GRIA4: variants seen among roughly 807,000 people sequenced by gnomAD.
GRIA4 encodes the protein glutamate ionotropic receptor AMPA type subunit 4, also known as glutamate receptor 4.
A neutral mutation model predicts 104.0 loss-of-function variants in GRIA4; 34 were observed. The ratio of observed to expected loss-of-function variants is 0.33; its 90% CI spans 0.25 to 0.44. GRIA4 has a LOEUF of 0.44. Ranked by LOEUF, GRIA4 falls within the 20% of genes least tolerant of loss-of-function variation. The pLI, the probability that GRIA4 is intolerant of heterozygous loss-of-function variation, is 1.00. For synonymous variants in GRIA4, 386 were observed against 381.9 expected, an observed-to-expected ratio of 1.01 and a Z score of -0.13; for missense variants, 750 against 1,096.5, an observed-to-expected ratio of 0.68 and a Z score of 4.46.
chr11:105,689,389 C>A (rs1200869016), intron 3 of GRIA4, among the ~76,000 whole-genome samples: 1 of 152,086 alleles, frequency 6.6e-6, no homozygotes, highest in Non-Finnish European at 1.5e-5. Context: ...ATGCAAATAT[C>A]CTAGAAAAGC....
chr11:105,619,297 T>C (rs1222793272), intron 3 of GRIA4, among the ~76,000 whole-genome samples: 1 of 151,922 alleles, frequency 6.6e-6, no homozygotes, highest in Non-Finnish European at 1.5e-5. Flanking sequence ...ATATCACACA[T>C]AAATTTTATG....
At chr11:105,918,606 C>G in intron 10 of GRIA4, 106 bp from the exon 11 acceptor site, 1 of 634,106 alleles carries the variant, frequency 1.6e-6, no homozygotes, top group Non-Finnish European at 2.8e-6. Flanking sequence ...GTATGTGTAC[C>G]AATACTAAAT....
intron 4 of GRIA4, among the ~76,000 whole-genome samples, chr11:105,836,668 A>G (rs1944199351): frequency 6.6e-6 from 1 of 152,200 alleles, no homozygotes; most frequent in Non-Finnish European, 1.5e-5. Context: ...TGTAAGTCCC[A>G]CAACCAAAGT....
intron 4 of GRIA4, among the ~76,000 whole-genome samples, chr11:105,851,191 G>T (rs546373630): frequency 6.6e-6 from 1 of 152,136 alleles, no homozygotes; most frequent in Non-Finnish European, 1.5e-5. Context: ...CAAATGGGAA[G>T]GGATATAGAA....
intron 3 of GRIA4, among the ~76,000 whole-genome samples, chr11:105,749,240 G>T (rs1475920737): frequency 3.9e-5 from 6 of 152,164 alleles, no homozygotes. Context: ...AAGTTGAAGA[G>T]ACTAGTTTGG....
At chr11:105,867,738 A>C (rs1945477303) in intron 5 of GRIA4, among the ~76,000 whole-genome samples, 1 of 152,230 alleles carries the variant, frequency 6.6e-6, no homozygotes, top group Non-Finnish European at 1.5e-5. Flanking sequence ...AAACAAAAAG[A>C]AGCACAATAA....
intron 4 of GRIA4, among the ~76,000 whole-genome samples, chr11:105,820,640 A>G (rs1272736428): frequency 6.6e-6 from 1 of 151,742 alleles, no homozygotes; most frequent in East Asian, 1.9e-4. Flanking sequence ...TGTCAGAATT[A>G]TTTTTTTTCT....
chr11:105,800,631 A>G (rs1942680603), intron 4 of GRIA4, among the ~76,000 whole-genome samples: 1 of 152,104 alleles, frequency 6.6e-6, no homozygotes, highest in South Asian at 2.1e-4. Flanking sequence ...AAAATAATTG[A>G]TGCATTCTGA....
At chr11:105,613,790 A>G (rs996352325) in intron 3 of GRIA4, 2 of 152,092 alleles carry the variant, frequency 1.3e-5, no homozygotes, top group East Asian at 1.9e-4. Flanking sequence ...AAAGTGAATA[A>G]TTATATTATT....
chr11:105,715,803 G>T (rs988328739), intron 3 of GRIA4, among the ~76,000 whole-genome samples: 1 of 152,048 alleles, frequency 6.6e-6, no homozygotes, highest in Non-Finnish European at 1.5e-5. Flanking sequence ...CCTTCATCTC[G>T]TGGCGCTACC....
intron 4 of GRIA4, among the ~76,000 whole-genome samples, chr11:105,777,939 G>A (rs1002292441): frequency 5.3e-5 from 8 of 152,160 alleles, no homozygotes; most frequent in Admixed American, 2.6e-4. Flanking sequence ...AGAACCATCC[G>A]GGCCAGACAG....
chr11:105,633,055 G>A (rs1951079098), intron 3 of GRIA4, among the ~76,000 whole-genome samples: 1 of 152,160 alleles, frequency 6.6e-6, no homozygotes, highest in South Asian at 2.1e-4. Context: ...AGTTTGTTTT[G>A]GAGCTGACTG....
chr11:105,656,048 C>A (rs1951833967), intron 3 of GRIA4, among the ~76,000 whole-genome samples: 1 of 152,186 alleles, frequency 6.6e-6, no homozygotes, highest in East Asian at 1.9e-4. Flanking sequence ...GATGGTATTT[C>A]ATTGTGGTTT....
At chr11:105,708,809 GA>G (rs1953803420) in intron 3 of GRIA4, among the ~76,000 whole-genome samples, 1 of 152,008 alleles carries the variant, frequency 6.6e-6, no homozygotes, top group Non-Finnish European at 1.5e-5. Context: ...GTTGAAATAA[GA>G]ATGAGTTCAT....
At chr11:105,766,914 A>G (rs1940972260) in intron 4 of GRIA4, among the ~76,000 whole-genome samples, 1 of 152,084 alleles carries the variant, frequency 6.6e-6, no homozygotes, top group Admixed American at 6.6e-5. Flanking sequence ...TCTCTGATGA[A>G]CACCATTCTC....
chr11:105,862,384 T>C (rs927924862), intron 5 of GRIA4, 176 bp downstream of exon 5: 3 of 544,100 alleles, frequency 5.5e-6, no homozygotes, highest in Non-Finnish European at 9.8e-6. Flanking sequence ...ACCAAGGACC[T>C]TTTTGGTTCT....
At chr11:105,953,768 GA>G (rs1346203486) in intron 14 of GRIA4, among the ~76,000 whole-genome samples, 2 of 151,764 alleles carry the variant, frequency 1.3e-5, no homozygotes, top group African/African-American at 4.8e-5. Context: ...TATGTAGCAT[GA>G]TAGAATATAA....
Position 105,840,487 on chromosome 11 carries a change from C to T in GRIA4, c.488-21537C>T, listed in dbSNP as rs73554236. On this transcript the variant is annotated intron_variant, in intron 4 of 16. Coordinates refer to ENST00000282499, the MANE Select transcript of GRIA4 (RefSeq NM_000829.4). ...AACTTTATAATATGGCAGGGGAACA[C>T]GAACTGACTTATTTTAACAGAAATG... is the stretch of plus-strand genomic sequence containing the variant. Among the ~76,000 whole-genome samples the T allele has an allele frequency of 4.9e-3, 752 of 152,214 alleles. 11 individuals carry two copies. Among genetic ancestry groups the T allele is most frequent in the African/African-American group, 0.017 (714 of 41,516 alleles).
chr11:105,953,589 AT>A (rs1273775275), intron 14 of GRIA4, among the ~76,000 whole-genome samples: 4 of 151,680 alleles, frequency 2.6e-5, no homozygotes, highest in African/African-American at 9.7e-5. Flanking sequence ...TCTTATTAGC[AT>A]GGTTCTGGGA....
Sources: allele counts gnomAD v4.1 joint callset (sites outside exome capture counted in the v4.1 genomes callset), GRCh38; gene constraint gnomAD v4.1.1; transcripts MANE v1.5; gene names NCBI Gene and HGNC (gene_info 2026-07-23, HGNC 2026-07-21).